Variants in ERI3 observed in about 807,000 individuals in gnomAD.
The protein encoded by ERI3 is ERI1 exoribonuclease 3.
Under a neutral mutation model 44.4 loss-of-function variants are expected in ERI3, and 18 were observed. The observed-to-expected ratio is 0.41, with a 90% CI of 0.28 to 0.60. The LOEUF (loss-of-function observed/expected upper bound fraction) is 0.60, where lower values mean the gene tolerates loss of function less well. ERI3 is among the 20% of genes least tolerant of loss of function. The probability of loss-of-function intolerance (pLI) is 0.36; values close to 1 mark genes in which losing one functional copy is unlikely to be tolerated. For missense variants in ERI3, 294 were observed against 435.5 expected, an observed-to-expected ratio of 0.68 and a Z score of 2.89; for synonymous variants, 183 against 164.8, an observed-to-expected ratio of 1.11 and a Z score of -0.84.
chr1:44,285,657 C>G (rs1645379668), intron 6 of ERI3, among the ~76,000 whole-genome samples: 1 of 152,138 alleles, frequency 6.6e-6, no homozygotes, highest in African/African-American at 2.4e-5. Flanking sequence ...AACAAACATG[C>G]ACTGATGCTT....
intron 3 of ERI3, 120 bp downstream of exon 3, chr1:44,338,924 TA>T: frequency 8.1e-7 from 1 of 1,240,642 alleles, no homozygotes; most frequent in Non-Finnish European, 1.1e-6. Flanking sequence ...ACAGGAACTC[TA>T]AATGAGTAGC....
At chr1:44,280,730 G>C (rs978928768) in intron 7 of ERI3, among the ~76,000 whole-genome samples, 1 of 152,164 alleles carries the variant, frequency 6.6e-6, no homozygotes, top group African/African-American at 2.4e-5. Flanking sequence ...AACTTTCTTA[G>C]AATGCAAATC....
chr1:44,346,917 AAG>A (rs973893146), intron 2 of ERI3, among the ~76,000 whole-genome samples: 4 of 152,220 alleles, frequency 2.6e-5, no homozygotes, highest in African/African-American at 9.7e-5. Context: ...CTACATGAGA[AAG>A]AGAAAAAGCA....
rs1026589848 is a variant in ERI3 at position 44,355,243 on chromosome 1, A to G, written c.-217T>C. On this transcript the variant is annotated 5_prime_UTR_variant, in exon 1 of 9. Coordinates refer to ENST00000372257, the MANE Select transcript of ERI3 (RefSeq NM_024066.3). ...CAGCGGCAGCCAGCACCACGAGTCC[A>G]CAACACACCGACTCACCTCCGCGCA... 11 of 1,175,764 alleles carry G rather than the reference A, an allele frequency of 9.4e-6. No homozygotes were observed. Among genetic ancestry groups the G allele is most frequent in the Non-Finnish European group, 8.4e-6 (8 of 952,262 alleles). The allele number at this position is 1,175,764 out of a possible 1,614,324, so 72.8% of individuals were successfully genotyped here. A position where few individuals can be genotyped will look rare whatever the true frequency, so the allele number is the denominator to read the frequency against.
At chr1:44,335,715 C>G (rs1646522109) in intron 3 of ERI3, among the ~76,000 whole-genome samples, 1 of 151,038 alleles carries the variant, frequency 6.6e-6, no homozygotes, top group African/African-American at 2.4e-5. Flanking sequence ...CACACCATTG[C>G]ACTCCAGCCT....
chr1:44,281,619 T>TATATATAA (rs1645288416), intron 7 of ERI3, among the ~76,000 whole-genome samples: 1 of 142,780 alleles, frequency 7.0e-6, no homozygotes, highest in Non-Finnish European at 1.5e-5. Flanking sequence ...TATATATATA[T>TATATATAA]AATATATATA....
intron 2 of ERI3, among the ~76,000 whole-genome samples, chr1:44,350,265 CT>C (rs57939758): frequency 0.077 from 11,139 of 144,338 alleles, 1,143 homozygotes; most frequent in African/African-American, 0.24. Context: ...GGATTTTAAT[CT>C]TTTTTTTTTT....
At chr1:44,260,431 C>T (rs1256068023) in intron 7 of ERI3, among the ~76,000 whole-genome samples, 4 of 152,294 alleles carry the variant, frequency 2.6e-5, no homozygotes, top group Admixed American at 2.6e-4. Flanking sequence ...AGCCAAGCCT[C>T]CTGGGAAGGG....
chr1:44,297,886 A>G (rs1208959591), intron 6 of ERI3, among the ~76,000 whole-genome samples: 2 of 151,996 alleles, frequency 1.3e-5, no homozygotes, highest in African/African-American at 4.8e-5. Flanking sequence ...ATATTGAGAA[A>G]CCCTTTCACT....
chr1:44,281,892 G>GTC (rs1223799221), intron 7 of ERI3, among the ~76,000 whole-genome samples: 1 of 147,684 alleles, frequency 6.8e-6, no homozygotes, highest in African/African-American at 2.5e-5. Context: ...GTGTGTGTGT[G>GTC]TGTGTGTGTG....
At chr1:44,257,122 C>T (rs953263301) in intron 7 of ERI3, among the ~76,000 whole-genome samples, 5 of 152,110 alleles carry the variant, frequency 3.3e-5, no homozygotes, top group East Asian at 1.9e-4. Flanking sequence ...ACACCACCCC[C>T]GGCTCCAATA....
At chr1:44,340,149 C>A (rs201175397) in intron 2 of ERI3, among the ~76,000 whole-genome samples, 7 of 121,070 alleles carry the variant, frequency 5.8e-5, no homozygotes, top group Admixed American at 1.7e-4. Context: ...TGAACATGTG[C>A]AAAAAAAAAA....
intron 7 of ERI3, among the ~76,000 whole-genome samples, chr1:44,270,655 G>C (rs1408720478): frequency 6.6e-6 from 1 of 152,000 alleles, no homozygotes; most frequent in Middle Eastern, 3.2e-3. Context: ...TCATTTGACA[G>C]AATACAGACT....
intron 8 of ERI3, among the ~76,000 whole-genome samples, chr1:44,222,967 G>A (rs1341849476): frequency 6.6e-6 from 1 of 152,232 alleles, no homozygotes; most frequent in Non-Finnish European, 1.5e-5. Flanking sequence ...AGGGCAGTAG[G>A]AGGGCACAGT....
At chr1:44,310,011 T>A (rs1021832080) in intron 5 of ERI3, among the ~76,000 whole-genome samples, 2 of 152,186 alleles carry the variant, frequency 1.3e-5, no homozygotes, top group African/African-American at 4.8e-5. Flanking sequence ...TCATGTAACC[T>A]CTCTGAACCT....
intron 8 of ERI3, among the ~76,000 whole-genome samples, chr1:44,232,332 A>T (rs1644204812): frequency 6.6e-6 from 1 of 152,220 alleles, no homozygotes; most frequent in Non-Finnish European, 1.5e-5. Context: ...CTCTTGAAAC[A>T]TTTGATCAAA....
intron 6 of ERI3, among the ~76,000 whole-genome samples, chr1:44,304,812 A>C (rs574983036): frequency 2.6e-5 from 4 of 152,214 alleles, no homozygotes; most frequent in Non-Finnish European, 5.9e-5. Context: ...AGTGAACTTC[A>C]GGTCCACACC....
Position 44,265,556 on chromosome 1 carries a change from T to C in ERI3, c.832-17518A>G, listed in dbSNP as rs780225873. ...CTAGGAAAGACAGACAAGTGTTCTT[T>C]TAAAAAGGCAAAAATGACAAAGTGA... On this transcript the variant is annotated intron_variant, in intron 7 of 8. Transcript: ENST00000372257. Among the ~76,000 whole-genome samples the C allele has an allele frequency of 3.9e-5, 6 of 152,062 alleles. No individual in the cohort carries two copies. The South Asian group carries it at 1.0e-3, about 26-fold the overall frequency.
At chr1:44,339,504 G>A (rs1332174085) in intron 2 of ERI3, among the ~76,000 whole-genome samples, 182 bp from the exon 3 acceptor site, 4 of 151,788 alleles carry the variant, frequency 2.6e-5, no homozygotes, top group Non-Finnish European at 4.4e-5. Flanking sequence ...CATAGTATTC[G>A]TTACTAAAGT....
Sources: allele counts gnomAD v4.1 joint callset (sites outside exome capture counted in the v4.1 genomes callset), GRCh38; gene constraint gnomAD v4.1.1; transcripts MANE v1.5; gene names NCBI Gene and HGNC (gene_info 2026-07-23, HGNC 2026-07-21).